ATP13A4: variants seen among roughly 807,000 people sequenced by gnomAD.
ATP13A4 encodes ATPase 13A4.
A neutral mutation model predicts 142.5 loss-of-function variants in ATP13A4; 114 were observed. The ratio of observed to expected loss-of-function variants is 0.80; its 90% CI spans 0.69 to 0.93. The LOEUF (loss-of-function observed/expected upper bound fraction) is 0.93, where lower values mean the gene tolerates loss of function less well. Ranked by LOEUF, ATP13A4 falls within the 40% of genes least tolerant of loss-of-function variation. ATP13A4 has a pLI of 0.00. For synonymous variants in ATP13A4, 488 were observed against 514.8 expected, an observed-to-expected ratio of 0.95 and a Z score of 0.70; for missense variants, 1,392 against 1,454.0, an observed-to-expected ratio of 0.96 and a Z score of 0.69.
chr3:193,582,719 T>A (rs191410835), intron 1 of ATP13A4, among the ~76,000 whole-genome samples: 2,370 of 45,948 alleles, frequency 0.052, 537 homozygotes, highest in East Asian at 0.12. Flanking sequence ...TATATGTATA[T>A]TACATATATA....
intron 1 of ATP13A4, among the ~76,000 whole-genome samples, chr3:193,528,017 G>A (rs574518648): frequency 1.4e-4 from 21 of 152,266 alleles, no homozygotes; most frequent in Admixed American, 3.9e-4. Flanking sequence ...ACTCTCGTCC[G>A]TTGAGATGCC....
rs1301332504 is a variant in ATP13A4 at position 193,448,332 on chromosome 3, TGAAA to T, written c.2028-6_2028-3del. On this transcript the variant is annotated splice_region_variant and splice_polypyrimidine_tract_variant and intron_variant, in intron 17 of 29. Transcript: ENST00000342695. ...ATCAGGTCTGATTCTACCGTCTCCC[TGAAA>T]ATACATATATAGATGTATTGAACAG... The T allele has an allele frequency of 1.9e-6, 3 of 1,613,638 alleles. No individual in the cohort carries two copies. The highest frequency in any genetic ancestry group is 3.3e-4 in the Middle Eastern group (2 of 6,080).
chr3:193,540,363 A>G (rs1213425378), intron 1 of ATP13A4, among the ~76,000 whole-genome samples: 1 of 151,940 alleles, frequency 6.6e-6, no homozygotes, highest in East Asian at 1.9e-4. Context: ...AAATGTGGCA[A>G]TTCTGTGCCT....
intron 2 of ATP13A4, among the ~76,000 whole-genome samples, chr3:193,572,530 G>A (rs150421718): frequency 3.3e-5 from 5 of 152,238 alleles, no homozygotes; most frequent in African/African-American, 1.2e-4. Flanking sequence ...TTTAAAAAAC[G>A]AACAGAACAT....
intron 1 of ATP13A4, among the ~76,000 whole-genome samples, chr3:193,592,137 T>G (rs1724823929): frequency 2.0e-5 from 2 of 101,918 alleles, no homozygotes; most frequent in Admixed American, 2.6e-4. Flanking sequence ...GTGTGTGGCA[T>G]GGGTGGGGGG....
intron 6 of ATP13A4, among the ~76,000 whole-genome samples, chr3:193,490,651 T>A (rs1719894609): frequency 6.6e-6 from 1 of 152,232 alleles, no homozygotes; most frequent in Admixed American, 6.5e-5. Context: ...CAAACCTTTC[T>A]TCTGGTTAGA....
intron 2 of ATP13A4, among the ~76,000 whole-genome samples, chr3:193,580,126 T>C (rs372057820): frequency 3.2e-4 from 48 of 152,322 alleles, no homozygotes; most frequent in African/African-American, 1.1e-3. Context: ...TATAAATATG[T>C]GAATCCAATC....
At chr3:193,447,147 A>G (rs1717002711) in intron 18 of ATP13A4, among the ~76,000 whole-genome samples, 1 of 152,228 alleles carries the variant, frequency 6.6e-6, no homozygotes, top group African/African-American at 2.4e-5. Flanking sequence ...ACACTTGTAC[A>G]TAAATCTAAG....
chr3:193,434,453 C>A (rs1321669389), intron 24 of ATP13A4, among the ~76,000 whole-genome samples: 1 of 152,160 alleles, frequency 6.6e-6, no homozygotes, highest in Admixed American at 6.5e-5. Flanking sequence ...TTAAGAAACT[C>A]ACTCACTTTC....
At chr3:193,446,301 A>G (rs1432631039) in intron 18 of ATP13A4, among the ~76,000 whole-genome samples, 1 of 152,218 alleles carries the variant, frequency 6.6e-6, no homozygotes, top group African/African-American at 2.4e-5. Flanking sequence ...AATAAACAAT[A>G]GGGAAATCTT....
At position 193,465,588 on chromosome 3, in the gene ATP13A4, T is replaced by C. The variant is rs113162846; in HGVS notation, c.1272+437A>G. Among the ~76,000 whole-genome samples, 1,018 of 113,602 alleles carry C rather than the reference T, an allele frequency of 9.0e-3. 12 individuals are homozygous for C. Among genetic ancestry groups the C allele is most frequent in the African/African-American group, 0.038 (970 of 25,718 alleles). 74.5% of individuals were successfully genotyped at this position (113,602 alleles called of 152,430 possible). On this transcript the variant is annotated intron_variant, in intron 11 of 29. Coordinates refer to ENST00000342695, the MANE Select transcript of ATP13A4 (RefSeq NM_032279.4). ...ATAGCTCTCACTATCTTTCACCAAA[T>C]AGCAATAAAAAACCCATGTGATTTA...
intron 25 of ATP13A4, among the ~76,000 whole-genome samples, chr3:193,429,283 G>T (rs1715842857): frequency 6.6e-6 from 1 of 151,978 alleles, no homozygotes; most frequent in African/African-American, 2.4e-5. Context: ...ATTAACATAT[G>T]ACCCAGATTC....
intron 1 of ATP13A4, among the ~76,000 whole-genome samples, chr3:193,541,122 G>T (rs1045302175): frequency 6.6e-6 from 1 of 151,502 alleles, no homozygotes; most frequent in Non-Finnish European, 1.5e-5. Context: ...GGTGGCAGGC[G>T]CCTGTAGTCC....
At chr3:193,514,414 G>T (rs1042295818) in intron 2 of ATP13A4, among the ~76,000 whole-genome samples, 1 of 152,118 alleles carries the variant, frequency 6.6e-6, no homozygotes, top group Non-Finnish European at 1.5e-5. Flanking sequence ...ACATGATTTC[G>T]TTCTTTATTA....
At chr3:193,472,268 T>C (rs1718671830) in intron 8 of ATP13A4, among the ~76,000 whole-genome samples, 1 of 152,226 alleles carries the variant, frequency 6.6e-6, no homozygotes, top group Non-Finnish European at 1.5e-5. Flanking sequence ...TGAGTAGTGA[T>C]TAAATCTAGG....
intron 2 of ATP13A4, among the ~76,000 whole-genome samples, chr3:193,578,041 T>A (rs925975065): frequency 1.3e-5 from 2 of 152,144 alleles, no homozygotes; most frequent in Non-Finnish European, 2.9e-5. Flanking sequence ...ACTCTTATAA[T>A]CCCAGCACTT....
At chr3:193,425,581 A>T (rs914556275) in intron 25 of ATP13A4, among the ~76,000 whole-genome samples, 3 of 151,778 alleles carry the variant, frequency 2.0e-5, no homozygotes, top group Non-Finnish European at 4.4e-5. Context: ...GCTTGAGGAC[A>T]CTGTGCTAAG....
At chr3:193,540,142 G>A (rs1722806300) in intron 1 of ATP13A4, among the ~76,000 whole-genome samples, 2 of 152,050 alleles carry the variant, frequency 1.3e-5, no homozygotes, top group Non-Finnish European at 2.9e-5. Context: ...GAACAGCAGG[G>A]AGAAGGTACA....
At chr3:193,507,824 T>G (rs1400303579) in intron 2 of ATP13A4, among the ~76,000 whole-genome samples, 4 of 152,264 alleles carry the variant, frequency 2.6e-5, no homozygotes, top group African/African-American at 9.6e-5. Context: ...TATCACATCC[T>G]TAGTTCTCAC....
Sources: gnomAD v4.1 joint callset for allele counts (sites outside exome capture counted in the v4.1 genomes callset) on GRCh38, gnomAD v4.1.1 for gene constraint, MANE v1.5 for transcripts, NCBI Gene and HGNC (gene_info 2026-07-23, HGNC 2026-07-21) for gene names.